FANCA: variants seen among roughly 807,000 people sequenced by gnomAD.
FANCA encodes the protein FA complementation group A.
In FANCA, 236 loss-of-function variants were observed where a neutral mutation model predicts 194.3. That is an observed-to-expected ratio of 1.21 (90% confidence interval 1.09 to 1.35). The LOEUF (loss-of-function observed/expected upper bound fraction) is 1.35. FANCA is among the 40% of genes most tolerant of loss of function. The pLI is 0.00. For missense variants in FANCA, 2,628 were observed against 1,813.9 expected (o/e 1.45, Z -8.15); for synonymous variants, 1,014 against 715.8 (o/e 1.42, Z -6.65).
In FANCA at chr16:89,810,443, T is replaced by C. The variant is rs555972600; in HGVS notation, c.522+264A>G. ...TACCCTGGAAAATTCTCCATACTAA[T>C]ATACCCAAGGCTAAACGTGTTTTTC... is the stretch of plus-strand genomic sequence containing the variant. On this transcript the variant is annotated intron_variant, in intron 5 of 42. Transcript: ENST00000389301. 27 of 437,548 alleles carry C rather than the reference T, an allele frequency of 6.2e-5. No individual in the cohort carries two copies. The South Asian group carries it at 6.3e-4, about 10-fold the overall frequency. The allele number at this position is 437,548 out of a possible 1,614,324, so 27.1% of individuals were successfully genotyped here.
At chr16:89,759,318 T>TAACAAAAAAAAAAAAAAAAAAAA (rs2038866330) in intron 29 of FANCA, among the ~76,000 whole-genome samples, 1 of 75,180 alleles carries the variant, frequency 1.3e-5, no homozygotes, top group Non-Finnish European at 2.6e-5. Flanking sequence ...AGACTCCGTC[T>TAACAAAAAAAAAAAAAAAAAAAA]AAAAAAAAAA....
chr16:89,744,831 C>A, intron 36 of FANCA, 128 bp downstream of exon 36: 1 of 859,812 alleles, frequency 1.2e-6, no homozygotes, highest in South Asian at 1.4e-5. Context: ...CGGTTCTTTT[C>A]TCCCTGCTCA....
In FANCA at chr16:89,767,180, A is replaced by G. The variant is rs994392137; in HGVS notation, c.2562T>C (p.Asp854=). ...SLCKFSSQSR[D]TLCSCLSPGL... ...CTGGAGATAAGCAGCTGCACAAAGTATCTCGTGACTGGGAAGAAAACTTGC... is the reference window on the plus strand; with the variant it reads ...CTGGAGATAAGCAGCTGCACAAAGTGTCTCGTGACTGGGAAGAAAACTTGC... The change falls in exon 27 of 43, where the codon GAT becomes GAC. Residue 854 remains aspartate, a synonymous_variant. Coordinates refer to ENST00000389301, the MANE Select transcript of FANCA (RefSeq NM_000135.4). 5.6e-6 allele frequency: 9 copies of G among 1,614,028 alleles called. No individual in the cohort carries two copies. The highest frequency in any genetic ancestry group is 1.7e-5 in the Admixed American group (1 of 60,028).
At chr16:89,811,100 C>T (rs773140671) in intron 3 of FANCA, 29 bp from the exon 4 acceptor site, 59 of 1,613,464 alleles carry the variant, frequency 3.7e-5, no homozygotes, top group Non-Finnish European at 1.7e-5. Flanking sequence ...CCATAGCTTT[C>T]TCTTAACACA....
At position 89,816,595 on chromosome 16, in the gene FANCA, C is replaced by T. The variant is rs115856189; in HGVS notation, c.21G>A (p.Pro7=). The T allele has an allele frequency of 2.6e-6, 4 of 1,526,872 alleles. No homozygotes were observed. The highest frequency in any genetic ancestry group is 2.0e-5 in the Admixed American group (1 of 50,930). The allele number at this position is 1,526,872 out of a possible 1,614,324, so 94.6% of individuals were successfully genotyped here. The change falls in exon 1 of 43, where the codon CCG becomes CCA. Residue 7 remains proline (P), a synonymous_variant. Coordinates refer to ENST00000389301, the MANE Select transcript of FANCA (RefSeq NM_000135.4). ...CTGGGTCCTGGCCCGAGGCGGAGTT[C>T]GGGACCCACGAGTCGGACATGGCCT... MSDSWV[P]NSASGQDPGG... is the part of the protein sequence containing the mutation.
intron 13 of FANCA, 66 bp from the exon 14 acceptor site, chr16:89,791,602 A>G: frequency 6.2e-7 from 1 of 1,601,970 alleles, no homozygotes; most frequent in Admixed American, 1.7e-5. Context: ...GACGTGAGTT[A>G]TGCTGGGTGA....
chr16:89,758,728 C>A, intron 29 of FANCA, 23 bp from the exon 30 acceptor site: 3 of 1,612,438 alleles, frequency 1.9e-6, no homozygotes, highest in South Asian at 1.1e-5. Flanking sequence ...ACACTGCTAT[C>A]AATTCTGAGA....
intron 5 of FANCA, among the ~76,000 whole-genome samples, chr16:89,808,860 G>A (rs559321835): frequency 1.3e-5 from 2 of 151,454 alleles, no homozygotes; most frequent in Non-Finnish European, 2.9e-5. Context: ...CTGTCACACT[G>A]CCCTGATCTC....
chr16:89,743,151 C>A (rs572097815), intron 36 of FANCA, among the ~76,000 whole-genome samples: 1 of 152,170 alleles, frequency 6.6e-6, no homozygotes, highest in East Asian at 1.9e-4. Flanking sequence ...AGCATCCTGG[C>A]GTTCTGAGAG....
intron 17 of FANCA, among the ~76,000 whole-genome samples, chr16:89,782,289 A>C (rs1226948864): frequency 6.6e-6 from 1 of 151,760 alleles, no homozygotes; most frequent in Non-Finnish European, 1.5e-5. Context: ...AGGCGGGCGG[A>C]TCACAAGGTC....
At chr16:89,782,006 C>CAA (rs975066408) in intron 17 of FANCA, among the ~76,000 whole-genome samples, 3 of 136,826 alleles carry the variant, frequency 2.2e-5, no homozygotes, top group African/African-American at 8.1e-5. Context: ...GACTCCATCT[C>CAA]AAAAAAAAAA....
At chr16:89,762,795 T>TA (rs1189884861) in intron 28 of FANCA, 8 of 447,812 alleles carry the variant, frequency 1.8e-5, no homozygotes, top group African/African-American at 1.4e-4. Flanking sequence ...CATGACCAGC[T>TA]AAGTTTTTTA....
At chr16:89,787,261 C>T (rs1238641253) in intron 14 of FANCA, among the ~76,000 whole-genome samples, 4 of 152,098 alleles carry the variant, frequency 2.6e-5, no homozygotes, top group Non-Finnish European at 4.4e-5. Context: ...CGGTGGCTAG[C>T]GCCTGTGATC....
At position 89,816,640 on chromosome 16, in the gene FANCA, G is replaced by C. The variant is rs562773671; in HGVS notation, c.-25C>G. On this transcript the variant is annotated 5_prime_UTR_variant, in exon 1 of 43. Transcript: ENST00000389301. ...TGGCCTTGGCGCCTACAGCCCCGGC[G>C]GCGGCTCCCTGCGCCCGAGCCCGCG... 26 of 1,515,544 alleles carry C rather than the reference G, an allele frequency of 1.7e-5. No individual in the cohort carries two copies. The highest frequency in any genetic ancestry group is 2.4e-5 in the South Asian group (2 of 82,122). The allele number at this position is 1,515,544 out of a possible 1,614,324, so 93.9% of individuals were successfully genotyped here. A position where few individuals can be genotyped will look rare whatever the true frequency, so the allele number is the denominator to read the frequency against.
Position 89,774,729 on chromosome 16 carries a change from C to CAAAAAAAAAAAAAAAAAA in FANCA, c.1900+995_1900+1012dup, listed in dbSNP as rs780078944. 3.2e-4 allele frequency among the ~76,000 whole-genome samples: 7 copies of CAAAAAAAAAAAAAAAAAA among 22,196 alleles called. 1 individual carries two copies. The highest frequency in any genetic ancestry group is 4.8e-4 in the African/African-American group (3 of 6,190). The allele number at this position is 22,196 out of a possible 152,430, so 14.6% of individuals were successfully genotyped here. ...TGGGCAACAGAGCGAGACTCTGTCT[C>CAAAAAAAAAAAAAAAAAA]AAAAAAAAAAAAAAAAAAAAAAAAA... On this transcript the variant is annotated intron_variant, in intron 21 of 42. Coordinates refer to ENST00000389301, the MANE Select transcript of FANCA (RefSeq NM_000135.4).
chr16:89,744,789 T>C, intron 36 of FANCA, 170 bp downstream of exon 36: 1 of 687,976 alleles, frequency 1.5e-6, no homozygotes, highest in Admixed American at 2.1e-5. Flanking sequence ...CCCCAGTAGT[T>C]GGGATTACAG....
intron 6 of FANCA, among the ~76,000 whole-genome samples, chr16:89,806,781 C>T (rs547466784): frequency 5.9e-5 from 9 of 152,194 alleles, no homozygotes; most frequent in Non-Finnish European, 1.3e-4. Flanking sequence ...CATCTGATTT[C>T]GCAATCTTTT....
intron 14 of FANCA, among the ~76,000 whole-genome samples, chr16:89,787,379 C>G (rs1045610283): frequency 6.6e-6 from 1 of 152,050 alleles, no homozygotes; most frequent in South Asian, 2.1e-4. Context: ...AAAAATTAGC[C>G]GTGTGTGGTG....
chr16:89,750,823 GT>G (rs1197866321), intron 31 of FANCA, among the ~76,000 whole-genome samples: 27 of 152,118 alleles, frequency 1.8e-4, no homozygotes, highest in Non-Finnish European at 3.4e-4. Context: ...GGACACTCAT[GT>G]GCCCTTCACC....
Sources: gnomAD v4.1 joint callset for allele counts (sites outside exome capture counted in the v4.1 genomes callset) on GRCh38, gnomAD v4.1.1 for gene constraint, MANE v1.5 for transcripts, NCBI Gene and HGNC (gene_info 2026-07-23, HGNC 2026-07-21) for gene names.